The following DARS1 variants were observed in gnomAD, a reference collection of about 807,000 sequenced individuals.
DARS1 encodes the protein aspartate--tRNA ligase, cytoplasmic.
DARS1 carries 51 observed loss-of-function variants against 68.8 expected under a neutral mutation model. That is an observed-to-expected ratio of 0.74 (90% confidence interval 0.59 to 0.94). The LOEUF (loss-of-function observed/expected upper bound fraction) is 0.94. Among genes scored for constraint, DARS1 ranks in the 40% least tolerant of loss-of-function variants. DARS1 has a pLI of 0.00. For missense variants in DARS1, 607 were observed against 597.3 expected, an observed-to-expected ratio of 1.02 and a Z score of -0.17; for synonymous variants, 203 against 190.4, an observed-to-expected ratio of 1.07 and a Z score of -0.55.
chr2:135,945,084 C>G (rs999251530), intron 4 of DARS1, among the ~76,000 whole-genome samples: 4 of 152,126 alleles, frequency 2.6e-5, no homozygotes, highest in Non-Finnish European at 5.9e-5. Context: ...TCTGCACCTT[C>G]CATTATCAGA....
chr2:135,971,988 A>G (rs1198867037), intron 3 of DARS1, among the ~76,000 whole-genome samples: 1 of 152,166 alleles, frequency 6.6e-6, no homozygotes, highest in East Asian at 1.9e-4. Flanking sequence ...GGAAGAATCA[A>G]TATTGTTAAA....
Position 135,914,335 on chromosome 2 carries a change from T to C in DARS1, c.1149+134A>G, listed in dbSNP as rs991304590. ...TTTTCTAAGAAAAAAATTTTTTTAA[T>C]GTTGTCCTTCTTCGGTTTTTATTTA... On this transcript the variant is annotated intron_variant, in intron 12 of 15. Coordinates refer to ENST00000264161, the MANE Select transcript of DARS1 (RefSeq NM_001349.4). 2.3e-5 allele frequency: 15 copies of C among 656,728 alleles called. No individual in the cohort carries two copies. In the East Asian group the frequency reaches 3.9e-4, roughly 17 times the overall value. 40.7% of individuals were successfully genotyped at this position (656,728 alleles called of 1,614,324 possible).
At chr2:135,940,020 C>T (rs1681561660) in intron 5 of DARS1, among the ~76,000 whole-genome samples, 1 of 152,140 alleles carries the variant, frequency 6.6e-6, no homozygotes, top group African/African-American at 2.4e-5. Flanking sequence ...TAATCAATAG[C>T]CTACCAACCA....
chr2:135,978,706 T>G (rs1682555027), intron 3 of DARS1, among the ~76,000 whole-genome samples: 1 of 152,234 alleles, frequency 6.6e-6, no homozygotes, highest in African/African-American at 2.4e-5. Context: ...GAGAATATTC[T>G]GTATTTGTGC....
intron 15 of DARS1, among the ~76,000 whole-genome samples, chr2:135,909,022 C>T (rs2104790769): frequency 6.6e-6 from 1 of 151,800 alleles, no homozygotes; most frequent in East Asian, 1.9e-4. Context: ...CCTCAGCAAA[C>T]TAATGCAGGA....
chr2:135,961,312 A>C, intron 4 of DARS1, 84 bp downstream of exon 4: 1 of 752,186 alleles, frequency 1.3e-6, no homozygotes, highest in East Asian at 2.6e-5. Context: ...CATTGATGTT[A>C]ATGTATGAAA....
At chr2:135,944,878 T>C (rs1681686123) in intron 4 of DARS1, among the ~76,000 whole-genome samples, 1 of 152,180 alleles carries the variant, frequency 6.6e-6, no homozygotes, top group African/African-American at 2.4e-5. Context: ...TCAGGCCTGG[T>C]GAGAATTCTA....
chr2:135,971,438 C>G (rs975613854), intron 3 of DARS1, among the ~76,000 whole-genome samples: 5 of 152,078 alleles, frequency 3.3e-5, no homozygotes, highest in African/African-American at 1.2e-4. Flanking sequence ...AAGGAACATA[C>G]CTTAACATAA....
rs117438984 is a variant in DARS1, at chr2:135,920,750, G to A, written c.812-150C>T. On this transcript the variant is annotated intron_variant, in intron 9 of 15. Coordinates refer to ENST00000264161, the MANE Select transcript of DARS1 (RefSeq NM_001349.4). ...AGGACCTCTGATGAACCATCTGTTT[G>A]AGCATTATCTTGGACAGCAAGTTCA... 3,434 of 1,066,824 alleles carry A rather than the reference G, an allele frequency of 3.2e-3. 28 individuals carry two copies. Among genetic ancestry groups the A allele is most frequent in the South Asian group, 0.023 (967 of 42,656 alleles). The allele number at this position is 1,066,824 out of a possible 1,614,324, so 66.1% of individuals were successfully genotyped here. A position where few individuals can be genotyped will look rare whatever the true frequency, so the allele number is the denominator to read the frequency against.
intron 5 of DARS1, among the ~76,000 whole-genome samples, chr2:135,936,800 G>A (rs985353939): frequency 1.3e-5 from 2 of 152,142 alleles, no homozygotes; most frequent in African/African-American, 4.8e-5. Context: ...AAGTCTTGAA[G>A]AGTTCCAAGA....
intron 2 of DARS1, among the ~76,000 whole-genome samples, chr2:135,982,796 TG>T (rs1682667091): frequency 6.6e-6 from 1 of 152,100 alleles, no homozygotes; most frequent in African/African-American, 2.4e-5. Flanking sequence ...AGATGTAAGA[TG>T]GAAGGACCCA....
At chr2:135,971,380 A>G (rs1320556385) in intron 3 of DARS1, among the ~76,000 whole-genome samples, 6 of 152,206 alleles carry the variant, frequency 3.9e-5, no homozygotes, top group Admixed American at 2.6e-4. Flanking sequence ...AGCAGCTGAT[A>G]AAGTTCAAAT....
intron 3 of DARS1, among the ~76,000 whole-genome samples, chr2:135,971,305 T>A (rs1446242582): frequency 1.3e-5 from 2 of 152,160 alleles, no homozygotes; most frequent in African/African-American, 2.4e-5. Context: ...TCAATCAATG[T>A]AATACATTGT....
At position 135,981,674 on chromosome 2, in the gene DARS1, C is replaced by CTTTTTTTTTTTTT. The variant is rs1312008531; in HGVS notation, c.124+1710_124+1722dup. Among the ~76,000 whole-genome samples, 474 of 140,412 alleles carry CTTTTTTTTTTTTT rather than the reference C, an allele frequency of 3.4e-3. 4 individuals carry two copies. Among genetic ancestry groups the CTTTTTTTTTTTTT allele is most frequent in the African/African-American group, 0.012 (437 of 37,680 alleles). The allele number at this position is 140,412 out of a possible 152,430, so 92.1% of individuals were successfully genotyped here. ...TGGAAATGATTTTCAGAAATTTTGG[C>CTTTTTTTTTTTTT]TTTTTTTTTTTTTTGACAGGGTCTC... On this transcript the variant is annotated intron_variant, in intron 2 of 15. Transcript: ENST00000264161.
intron 2 of DARS1, chr2:135,980,687 C>T (rs986791572): frequency 2.6e-5 from 4 of 152,200 alleles, no homozygotes; most frequent in Non-Finnish European, 5.9e-5. Context: ...AAGACAGACA[C>T]ATCAGCAGAA....
At chr2:135,920,739 A>G in intron 9 of DARS1, 139 bp from the exon 10 acceptor site, 1 of 1,140,480 alleles carries the variant, frequency 8.8e-7, no homozygotes, top group Non-Finnish European at 1.2e-6. Flanking sequence ...CCTCTGATGA[A>G]CCATCTGTTT....
intron 7 of DARS1, among the ~76,000 whole-genome samples, chr2:135,930,534 T>A: frequency 6.6e-6 from 1 of 152,192 alleles, no homozygotes. Context: ...ACTACTAGTC[T>A]TATCTCCCCA....
intron 3 of DARS1, among the ~76,000 whole-genome samples, chr2:135,978,621 T>C (rs996514969): frequency 6.6e-6 from 1 of 152,234 alleles, no homozygotes; most frequent in Non-Finnish European, 1.5e-5. Flanking sequence ...ACAGGGTCTG[T>C]CTAAATGATC....
chr2:135,946,298 G>C (rs1223456937), intron 4 of DARS1, among the ~76,000 whole-genome samples: 1 of 152,142 alleles, frequency 6.6e-6, no homozygotes, highest in East Asian at 1.9e-4. Flanking sequence ...GAAGGGAGGA[G>C]AGAGGAGAAT....
Sources: allele counts gnomAD v4.1 joint callset (sites outside exome capture counted in the v4.1 genomes callset), GRCh38; gene constraint gnomAD v4.1.1; transcripts MANE v1.5; gene names NCBI Gene and HGNC (gene_info 2026-07-23, HGNC 2026-07-21).